RIN3: variants seen among roughly 807,000 people sequenced by gnomAD.
RIN3 encodes Ras and Rab interactor 3.
RIN3 carries 54 observed loss-of-function variants against 76.3 expected under a neutral mutation model. The ratio of observed to expected loss-of-function variants is 0.71; its 90% CI spans 0.57 to 0.89. The LOEUF (loss-of-function observed/expected upper bound fraction) is 0.89, where lower values mean the gene tolerates loss of function less well. Among genes scored for constraint, RIN3 ranks in the 40% least tolerant of loss-of-function variants. The probability of loss-of-function intolerance (pLI) is 0.00; values close to 1 mark genes in which losing one functional copy is unlikely to be tolerated. For synonymous variants in RIN3, 576 were observed against 564.0 expected (o/e 1.02, Z -0.30); for missense variants, 1,256 against 1,322.1 (o/e 0.95, Z 0.78).
intron 1 of RIN3, among the ~76,000 whole-genome samples, chr14:92,548,436 A>G (rs1897337202): frequency 6.6e-6 from 1 of 152,192 alleles, no homozygotes; most frequent in Admixed American, 6.5e-5. Context: ...CTAGGGCTGC[A>G]GTAGCAGGTT....
At chr14:92,566,332 G>A (rs549213552) in intron 2 of RIN3, among the ~76,000 whole-genome samples, 6 of 152,264 alleles carry the variant, frequency 3.9e-5, no homozygotes, top group Non-Finnish European at 7.4e-5. Flanking sequence ...GTTGCAAAAT[G>A]GCAGCTGCAG....
At chr14:92,518,084 A>G (rs186758639) in intron 1 of RIN3, among the ~76,000 whole-genome samples, 3 of 152,308 alleles carry the variant, frequency 2.0e-5, no homozygotes, top group Admixed American at 6.5e-5. Context: ...CCCTTTTTAC[A>G]GGGCTCACCT....
intron 7 of RIN3, among the ~76,000 whole-genome samples, chr14:92,661,924 C>T (rs1056941852): frequency 1.3e-5 from 2 of 152,100 alleles, no homozygotes; most frequent in Non-Finnish European, 2.9e-5. Context: ...GCTCGGAGGT[C>T]GGGTGTCTTG....
At position 92,649,999 on chromosome 14, in the gene RIN3, A is replaced by T. The variant is rs148923239; in HGVS notation, c.533-1583A>T. Among the ~76,000 whole-genome samples the T allele has an allele frequency of 4.3e-4, 65 of 152,314 alleles. No individual in the cohort carries two copies. The Middle Eastern group carries it at 0.01, about 24-fold the overall frequency. On this transcript the variant is annotated intron_variant, in intron 5 of 9. Transcript: ENST00000216487. ...CCTGATTGCGTTGGTGACCCCAGCC[A>T]GCAAGATGGCAAATGCCTACATCCC...
rs139882648 is a variant in RIN3 at position 92,534,315 on chromosome 14, C to T, written c.44+20339C>T. On this transcript the variant is annotated intron_variant, in intron 1 of 9. Coordinates refer to ENST00000216487, the MANE Select transcript of RIN3 (RefSeq NM_024832.5). ...GTAAATGGGGCTGGGCGTGGTGGCT[C>T]ACGCCTATAATCCTAAAACTTTGGG... is the stretch of plus-strand genomic sequence containing the variant. 1.4e-3 allele frequency among the ~76,000 whole-genome samples: 212 copies of T among 148,994 alleles called. 3 individuals carry two copies. The highest frequency in any genetic ancestry group is 2.2e-3 in the Non-Finnish European group (146 of 67,694).
chr14:92,515,196 C>A (rs980522828), intron 1 of RIN3: 1 of 687,232 alleles, frequency 1.5e-6, no homozygotes, highest in Non-Finnish European at 2.6e-6. Context: ...TTCTTTCTCT[C>A]GAAAGCGACC....
chr14:92,653,198 C>T, intron 6 of RIN3, 123 bp downstream of exon 6: 1 of 1,069,306 alleles, frequency 9.4e-7, no homozygotes. Flanking sequence ...CTATCCCTTC[C>T]TGGGCACCAG....
chr14:92,643,039 C>T lies in RIN3; in HGVS notation c.532+1710C>T, dbSNP rs963422930. ...GCCGTTTAGCTCCCACACCTGCCAT[C>T]GTCTCATGGTGCCTCTTAACTCTTT... On this transcript the variant is annotated intron_variant, in intron 5 of 9. Coordinates refer to ENST00000216487, the MANE Select transcript of RIN3 (RefSeq NM_024832.5). The surrounding 1 kb of genome is among the most constrained non-coding windows in gnomAD (Gnocchi z 4.8). Among the ~76,000 whole-genome samples the T allele has an allele frequency of 2.2e-4, 33 of 152,088 alleles. No individual in the cohort carries two copies. The highest frequency in any genetic ancestry group is 7.0e-4 in the African/African-American group (29 of 41,392).
At chr14:92,687,184 C>T (rs1391453354) in intron 9 of RIN3, 1 of 152,264 alleles carries the variant, frequency 6.6e-6, no homozygotes, top group Non-Finnish European at 1.5e-5. Context: ...CGGGCGCTAT[C>T]CCCACTTTAC....
In RIN3 at chr14:92,539,371, C is replaced by A. The variant is rs79108102; in HGVS notation, c.45-16380C>A. Among the ~76,000 whole-genome samples, 963 of 152,308 alleles carry A rather than the reference C, an allele frequency of 6.3e-3. 10 individuals are homozygous for A. Among genetic ancestry groups the A allele is most frequent in the African/African-American group, 0.022 (925 of 41,560 alleles). ...GCTGGACTCTGGGCACTATCCTGAACTCTTCATAGCAAACTCATCAGGTAG... is the reference window on the plus strand; with the variant it reads ...GCTGGACTCTGGGCACTATCCTGAAATCTTCATAGCAAACTCATCAGGTAG... On this transcript the variant is annotated intron_variant, in intron 1 of 9. Transcript: ENST00000216487.
In RIN3 at chr14:92,688,085, T is replaced by C. The variant is rs778702982; in HGVS notation, c.2791T>C (p.Cys931Arg). 1 of 1,606,746 alleles carries C rather than the reference T, an allele frequency of 6.2e-7. No homozygotes were observed. The highest frequency in any genetic ancestry group is 8.5e-7 in the Non-Finnish European group (1 of 1,177,538). ...HRLFVLVDGRCFQLADDALPH... is the reference protein window; with the variant it reads ...HRLFVLVDGRRFQLADDALPH... ...GCTGTTCGTGCTGGTGGACGGGCGC[T>C]GCTTCCAGCTGGCGGACGACGCGCT... The change falls in exon 10 of 10, where the codon TGC becomes CGC. Residue 931 changes from cysteine (C) to arginine (R), a missense_variant. Transcript: ENST00000216487.
intron 1 of RIN3, among the ~76,000 whole-genome samples, chr14:92,544,419 G>A (rs1897202337): frequency 1.7e-5 from 2 of 116,930 alleles, no homozygotes; most frequent in Admixed American, 7.8e-5. Flanking sequence ...AGCTGTGGGG[G>A]GGGGGGGGGG....
chr14:92,582,263 T>C (rs534395520), intron 3 of RIN3, among the ~76,000 whole-genome samples: 1 of 152,310 alleles, frequency 6.6e-6, no homozygotes, highest in Non-Finnish European at 1.5e-5. Flanking sequence ...TGTGGCCGAA[T>C]CTCACTTTCC....
chr14:92,605,470 A>C (rs1201655452), intron 3 of RIN3, among the ~76,000 whole-genome samples: 1 of 152,226 alleles, frequency 6.6e-6, no homozygotes, highest in East Asian at 1.9e-4. Flanking sequence ...AAAAATAATG[A>C]TCCTTGGCAA....
intron 2 of RIN3, among the ~76,000 whole-genome samples, chr14:92,560,394 C>T (rs780918172): frequency 3.3e-5 from 5 of 152,080 alleles, no homozygotes; most frequent in Non-Finnish European, 5.9e-5. Flanking sequence ...TCTGCCTTTA[C>T]GCCCCACTCC....
At chr14:92,531,766 C>T (rs1359301899) in intron 1 of RIN3, among the ~76,000 whole-genome samples, 2 of 152,118 alleles carry the variant, frequency 1.3e-5, no homozygotes, top group African/African-American at 2.4e-5. Context: ...TGGCAGTGCC[C>T]GTGGAAGGGC....
At chr14:92,558,479 C>T (rs889689085) in intron 2 of RIN3, among the ~76,000 whole-genome samples, 1 of 152,258 alleles carries the variant, frequency 6.6e-6, no homozygotes, top group African/African-American at 2.4e-5. Context: ...GTGAGGTCAA[C>T]TCTGCCATTA....
chr14:92,579,109 G>A (rs996647255), intron 3 of RIN3, among the ~76,000 whole-genome samples: 11 of 151,908 alleles, frequency 7.2e-5, no homozygotes, highest in African/African-American at 2.7e-4. Flanking sequence ...TGTATTTTTA[G>A]TAGAGACGGA....
At chr14:92,605,347 TAAC>T (rs1367301299) in intron 3 of RIN3, among the ~76,000 whole-genome samples, 1 of 152,242 alleles carries the variant, frequency 6.6e-6, no homozygotes, top group South Asian at 2.1e-4. Flanking sequence ...GAAATTTTAT[TAAC>T]AACGACTATT....
Sources: allele counts gnomAD v4.1 joint callset (sites outside exome capture counted in the v4.1 genomes callset), GRCh38; gene constraint gnomAD v4.1.1; non-coding constraint Gnocchi (gnomAD v3.1); transcripts MANE v1.5; gene names NCBI Gene and HGNC (gene_info 2026-07-23, HGNC 2026-07-21).